The following CHCHD3 variants were observed in gnomAD, a reference collection of about 807,000 sequenced individuals.
The protein encoded by CHCHD3 is MICOS complex subunit MIC19.
Under a neutral mutation model 38.2 loss-of-function variants are expected in CHCHD3, and 20 were observed. The observed-to-expected ratio is 0.52, with a 90% CI of 0.37 to 0.76. The LOEUF (loss-of-function observed/expected upper bound fraction) is 0.76. Ranked by LOEUF, CHCHD3 falls within the 30% of genes least tolerant of loss-of-function variation. The pLI is 0.00. For synonymous variants in CHCHD3, 82 were observed against 100.0 expected, an observed-to-expected ratio of 0.82 and a Z score of 1.07; for missense variants, 245 against 279.2, an observed-to-expected ratio of 0.88 and a Z score of 0.87.
intron 2 of CHCHD3, among the ~76,000 whole-genome samples, chr7:133,047,815 C>T (rs769480657): frequency 4.6e-5 from 7 of 152,110 alleles, no homozygotes; most frequent in Admixed American, 1.3e-4. Context: ...GGGCCAGGCG[C>T]GGTGGCTCAT....
chr7:132,971,227 T>C (rs1811605033), intron 4 of CHCHD3, among the ~76,000 whole-genome samples: 1 of 152,204 alleles, frequency 6.6e-6, no homozygotes, highest in Admixed American at 6.5e-5. Context: ...CAGAGGTGCT[T>C]TCCTGATCCT....
chr7:132,791,901 C>A (rs963482581), intron 7 of CHCHD3, among the ~76,000 whole-genome samples: 8 of 152,190 alleles, frequency 5.3e-5, no homozygotes, highest in African/African-American at 1.9e-4. Context: ...CCTTTCTGAT[C>A]TCTCCAAAGA....
chr7:132,980,445 T>C (rs1183267221), intron 3 of CHCHD3, among the ~76,000 whole-genome samples: 2 of 152,244 alleles, frequency 1.3e-5, no homozygotes, highest in Non-Finnish European at 2.9e-5. Context: ...AAGTCCCTGA[T>C]TTAAGTTTCA....
intron 4 of CHCHD3, among the ~76,000 whole-genome samples, chr7:132,967,990 A>C (rs1981794): frequency 6.6e-6 from 1 of 152,178 alleles, no homozygotes; most frequent in Admixed American, 6.5e-5. Flanking sequence ...GGATCTTAAC[A>C]TGCAGCCTAG....
At chr7:132,895,707 T>C (rs746014765) in intron 4 of CHCHD3, among the ~76,000 whole-genome samples, 7 of 152,246 alleles carry the variant, frequency 4.6e-5, no homozygotes, top group Non-Finnish European at 5.9e-5. Flanking sequence ...CCTGCCACTA[T>C]GTAAGAAGTG....
intron 2 of CHCHD3, chr7:133,034,684 C>T: frequency 1.2e-6 from 2 of 1,613,158 alleles, no homozygotes; most frequent in Non-Finnish European, 8.5e-7. Context: ...TACTCTCGAA[C>T]CAGCGTCTGG....
intron 4 of CHCHD3, among the ~76,000 whole-genome samples, chr7:132,947,367 T>A (rs1337237844): frequency 6.6e-6 from 1 of 151,866 alleles, no homozygotes; most frequent in Non-Finnish European, 1.5e-5. Flanking sequence ...TTCACTAACA[T>A]CTTCACTTTA....
intron 5 of CHCHD3, among the ~76,000 whole-genome samples, chr7:132,881,353 C>T (rs186340411): frequency 2.0e-5 from 3 of 152,254 alleles, no homozygotes; most frequent in African/African-American, 7.2e-5. Context: ...AGCTGTATTA[C>T]AGAACTAAAT....
intron 4 of CHCHD3, among the ~76,000 whole-genome samples, chr7:132,898,953 G>A (rs1809592060): frequency 6.6e-6 from 1 of 152,206 alleles, no homozygotes; most frequent in African/African-American, 2.4e-5. Flanking sequence ...GCCTGCAAGC[G>A]CCGCACACAG....
At chr7:132,796,308 T>A (rs1806610794) in intron 7 of CHCHD3, 134 bp downstream of exon 7, 2 of 922,962 alleles carry the variant, frequency 2.2e-6, no homozygotes, top group African/African-American at 3.3e-5. Context: ...CTCATTACAG[T>A]AATTCTTGAT....
intron 4 of CHCHD3, chr7:132,973,971 T>C (rs1811687723): frequency 1.6e-6 from 2 of 1,286,888 alleles, no homozygotes; most frequent in Admixed American, 4.7e-5. Context: ...AAGGCCGAAG[T>C]GGAGGCTAAG....
intron 5 of CHCHD3, among the ~76,000 whole-genome samples, chr7:132,878,127 C>A (rs1808960367): frequency 6.6e-6 from 1 of 152,150 alleles, no homozygotes; most frequent in Non-Finnish European, 1.5e-5. Context: ...GTGAATCCAT[C>A]CTGCATTAAT....
At chr7:133,007,292 G>C (rs1200206852) in intron 3 of CHCHD3, among the ~76,000 whole-genome samples, 1 of 152,154 alleles carries the variant, frequency 6.6e-6, no homozygotes, top group Admixed American at 6.5e-5. Flanking sequence ...ACCTAGGAGA[G>C]ACCCACTTGA....
intron 6 of CHCHD3, among the ~76,000 whole-genome samples, chr7:132,826,050 TA>T (rs1259708385): frequency 6.6e-6 from 1 of 152,206 alleles, no homozygotes; most frequent in Non-Finnish European, 1.5e-5. Flanking sequence ...ATTCCAATCA[TA>T]AACCATGCTG....
chr7:132,798,593 C>A (rs376496296), intron 6 of CHCHD3, among the ~76,000 whole-genome samples: 3 of 152,108 alleles, frequency 2.0e-5, no homozygotes, highest in East Asian at 1.9e-4. Context: ...TACATTCTAT[C>A]CTAGTGTTGA....
At chr7:132,998,385 T>C (rs1189732848) in intron 3 of CHCHD3, among the ~76,000 whole-genome samples, 1 of 152,192 alleles carries the variant, frequency 6.6e-6, no homozygotes, top group Non-Finnish European at 1.5e-5. Flanking sequence ...TCAAGGGACC[T>C]GAGAAAAAGA....
At chr7:132,955,173 GGTGTGT>G (rs3050414) in intron 4 of CHCHD3, among the ~76,000 whole-genome samples, 3,107 of 126,280 alleles carry the variant, frequency 0.025, 104 homozygotes, top group African/African-American at 0.086. Flanking sequence ...TCCCTCAGAG[GGTGTGT>G]GTGTGTGTGT....
In CHCHD3 at chr7:132,785,679, G is replaced by A. The variant is rs369704052; in HGVS notation, c.661-19C>T. On this transcript the variant is annotated intron_variant, in intron 7 of 7. Transcript: ENST00000262570. The stretch of plus-strand genomic sequence containing the variant: ...GCATGCTCTGCAAGAAAAACAGAAA[G>A]AGTAAGTTTTACCACCGGGAGAGGA... The A allele has an allele frequency of 2.5e-6, 4 of 1,613,778 alleles. No homozygotes were observed. The highest frequency in any genetic ancestry group is 3.4e-6 in the Non-Finnish European group (4 of 1,179,842).
chr7:133,004,819 C>T (rs1361359828), intron 3 of CHCHD3, among the ~76,000 whole-genome samples: 8 of 152,144 alleles, frequency 5.3e-5, no homozygotes, highest in South Asian at 4.2e-4. Flanking sequence ...TACCATGGCA[C>T]GGCAAACTGA....
Sources: gnomAD v4.1 joint callset for allele counts (sites outside exome capture counted in the v4.1 genomes callset) on GRCh38, gnomAD v4.1.1 for gene constraint, MANE v1.5 for transcripts, NCBI Gene and HGNC (gene_info 2026-07-23, HGNC 2026-07-21) for gene names.